Variants in PARD3 observed in about 807,000 individuals in gnomAD.
The protein encoded by PARD3 is partitioning defective 3 homolog.
A neutral mutation model predicts 155.4 loss-of-function variants in PARD3; 75 were observed. The observed-to-expected ratio is 0.48, with a 90% CI of 0.40 to 0.58. PARD3 has a LOEUF of 0.58. PARD3 is among the 20% of genes least tolerant of loss of function. The pLI is 0.00. For synonymous variants in PARD3, 576 were observed against 610.5 expected (o/e 0.94, Z 0.83); for missense variants, 1,642 against 1,721.7 (o/e 0.95, Z 0.82).
chr10:34,469,986 C>T, intron 4 of PARD3, 99 bp downstream of exon 4: 1 of 912,046 alleles, frequency 1.1e-6, no homozygotes, highest in Non-Finnish European at 1.6e-6. Flanking sequence ...CATGAAGATG[C>T]CCTGGAATCC....
intron 1 of PARD3, among the ~76,000 whole-genome samples, chr10:34,751,216 T>TAA (rs35709541): frequency 6.7e-6 from 1 of 150,228 alleles, no homozygotes; most frequent in African/African-American, 2.5e-5. Context: ...TTAAATGTAA[T>TAA]AAAAAAAAAA....
chr10:34,644,220 T>A (rs1460124599), intron 2 of PARD3, among the ~76,000 whole-genome samples: 2 of 152,174 alleles, frequency 1.3e-5, no homozygotes, highest in African/African-American at 4.8e-5. Flanking sequence ...TCTTAGTGCC[T>A]AAGACTGCAG....
intron 1 of PARD3, among the ~76,000 whole-genome samples, chr10:34,782,348 A>G (rs1588719786): frequency 6.6e-6 from 1 of 152,154 alleles, no homozygotes; most frequent in African/African-American, 2.4e-5. Context: ...TAGAAAGGTT[A>G]CCCAGGGAAT....
chr10:34,217,335 A>C (rs935720786), intron 22 of PARD3, among the ~76,000 whole-genome samples: 6 of 152,140 alleles, frequency 3.9e-5, no homozygotes, highest in African/African-American at 1.2e-4. Flanking sequence ...GCTTTGGTGC[A>C]ACTTGTCCTT....
At chr10:34,389,191 T>C (rs1050091531) in intron 7 of PARD3, among the ~76,000 whole-genome samples, 3 of 131,248 alleles carry the variant, frequency 2.3e-5, no homozygotes, top group African/African-American at 1.1e-4. Flanking sequence ...TACAAAAGTA[T>C]GTTACATGCA....
chr10:34,745,647 T>TA (rs1358194571), intron 1 of PARD3, among the ~76,000 whole-genome samples: 1 of 152,024 alleles, frequency 6.6e-6, no homozygotes, highest in African/African-American at 2.4e-5. Context: ...TTCTATTGCT[T>TA]AAAAAATTGT....
chr10:34,456,858 A>G (rs957392318), intron 4 of PARD3, among the ~76,000 whole-genome samples: 18 of 152,198 alleles, frequency 1.2e-4, no homozygotes, highest in African/African-American at 3.9e-4. Context: ...TCATTCTGAT[A>G]CATACTCAGT....
intron 14 of PARD3, among the ~76,000 whole-genome samples, chr10:34,350,633 C>CGA (rs1554835969): frequency 4.9e-5 from 2 of 40,722 alleles, no homozygotes; most frequent in East Asian, 1.2e-3. Flanking sequence ...TCCATCTTGG[C>CGA]GGGGGGGGAG....
chr10:34,742,680 G>A (rs1350786672), intron 1 of PARD3, among the ~76,000 whole-genome samples: 1 of 152,188 alleles, frequency 6.6e-6, no homozygotes, highest in African/African-American at 2.4e-5. Flanking sequence ...GTACTGCGTG[G>A]AGGCTTTTTA....
At chr10:34,520,542 G>A (rs961040479) in intron 2 of PARD3, among the ~76,000 whole-genome samples, 1 of 152,168 alleles carries the variant, frequency 6.6e-6, no homozygotes, top group African/African-American at 2.4e-5. Context: ...TAGAGACACA[G>A]ACATTCCACT....
At chr10:34,793,504 A>C (rs1003362198) in intron 1 of PARD3, among the ~76,000 whole-genome samples, 10 of 152,184 alleles carry the variant, frequency 6.6e-5, no homozygotes, top group Non-Finnish European at 1.5e-4. Flanking sequence ...TACTCTGGGA[A>C]GGCTGGGCAC....
At chr10:34,349,580 T>TAAAAAAAAA in intron 14 of PARD3, among the ~76,000 whole-genome samples, 100 of 44,706 alleles carry the variant, frequency 2.2e-3, no homozygotes, top group African/African-American at 9.2e-3. Flanking sequence ...TCTGGGAAAG[T>TAAAAAAAAA]AAAAAAAAAA....
intron 22 of PARD3, among the ~76,000 whole-genome samples, chr10:34,220,276 T>G (rs1257570540): frequency 6.6e-6 from 1 of 150,930 alleles, no homozygotes; most frequent in Non-Finnish European, 1.5e-5. Context: ...CGATAGGGAG[T>G]GACATCCCGC....
Position 34,696,995 on chromosome 10 carries a change from GACACAC to G in PARD3, c.121-582_121-577del, listed in dbSNP as rs35717875. Among the ~76,000 whole-genome samples the G allele has an allele frequency of 8.3e-5, 12 of 143,894 alleles. 1 individual carries two copies. Among genetic ancestry groups the G allele is most frequent in the South Asian group, 2.3e-4 (1 of 4,422 alleles). The allele number at this position is 143,894 out of a possible 152,430, so 94.4% of individuals were successfully genotyped here. On this transcript the variant is annotated intron_variant, in intron 1 of 24. Coordinates refer to ENST00000374788, the MANE Select transcript of PARD3 (RefSeq NM_001184785.2). ...GAGCCTCTTTTTACAGAGACAAAAT[GACACAC>G]ACACACACACACACACACATATTAA...
chr10:34,256,329 G>T (rs937682867), intron 22 of PARD3, among the ~76,000 whole-genome samples: 9 of 152,228 alleles, frequency 5.9e-5, no homozygotes, highest in African/African-American at 2.2e-4. Flanking sequence ...CATGAGCTGA[G>T]CTCCATGGGC....
In PARD3 at chr10:34,269,639, A is replaced by T; in HGVS notation, c.3419+18T>A. On this transcript the variant is annotated intron_variant, in intron 22 of 24. Transcript: ENST00000374788. ...AAGCTGATTTGGAAGCAATACCACG[A>T]TTGCCCCTGGCGCCTACCTGTCTAC... The T allele has an allele frequency of 6.2e-7, 1 of 1,610,432 alleles. No individual in the cohort carries two copies. Among genetic ancestry groups the T allele is most frequent in the Middle Eastern group, 1.7e-4 (1 of 5,916 alleles).
intron 3 of PARD3, among the ~76,000 whole-genome samples, chr10:34,478,916 C>T (rs1048941764): frequency 3.3e-5 from 5 of 152,244 alleles, no homozygotes; most frequent in Non-Finnish European, 7.4e-5. Context: ...CATTACAATT[C>T]TCACTCTGAA....
chr10:34,764,232 C>T (rs1439276700), intron 1 of PARD3, among the ~76,000 whole-genome samples: 2 of 152,126 alleles, frequency 1.3e-5, no homozygotes, highest in Non-Finnish European at 1.5e-5. Flanking sequence ...AAATGGGCAA[C>T]CTAGGATTTC....
At chr10:34,240,825 T>C (rs926757932) in intron 22 of PARD3, among the ~76,000 whole-genome samples, 3 of 151,806 alleles carry the variant, frequency 2.0e-5, no homozygotes, top group African/African-American at 4.8e-5. Context: ...CTCAAAACTA[T>C]AGAGAGAAGG....
Sources: gnomAD v4.1 joint callset for allele counts (sites outside exome capture counted in the v4.1 genomes callset) on GRCh38, gnomAD v4.1.1 for gene constraint, MANE v1.5 for transcripts, NCBI Gene and HGNC (gene_info 2026-07-23, HGNC 2026-07-21) for gene names.